Variants in TTC6 observed in about 807,000 individuals in gnomAD.
TTC6 encodes the protein tetratricopeptide repeat domain 6.
In TTC6, 172 loss-of-function variants were observed where a neutral mutation model predicts 210.4. That is an observed-to-expected ratio of 0.82 (90% CI 0.72 to 0.93). The LOEUF is 0.93. TTC6 is among the 40% of genes least tolerant of loss of function. TTC6 has a pLI of 0.00. For missense variants in TTC6, 2,414 were observed against 2,318.1 expected (o/e 1.04, Z -0.85); for synonymous variants, 804 against 819.6 (o/e 0.98, Z 0.32).
At chr14:37,653,221 C>T (rs1352744399) in intron 1 of TTC6, among the ~76,000 whole-genome samples, 2 of 152,216 alleles carry the variant, frequency 1.3e-5, no homozygotes, top group African/African-American at 4.8e-5. Context: ...TCTTAATTTA[C>T]TAACTCTACC....
chr14:37,780,932 T>C (rs987270252), intron 14 of TTC6, among the ~76,000 whole-genome samples: 2 of 152,186 alleles, frequency 1.3e-5, no homozygotes, highest in African/African-American at 2.4e-5. Flanking sequence ...TCCAGCTTCA[T>C]CCATGTCCCT....
intron 3 of TTC6, among the ~76,000 whole-genome samples, chr14:37,684,876 G>C (rs1433924834): frequency 1.3e-5 from 2 of 152,166 alleles, no homozygotes; most frequent in African/African-American, 4.8e-5. Flanking sequence ...TTTCTGACAT[G>C]ATTAAACAGA....
At chr14:37,790,919 C>T (rs1480994814) in intron 16 of TTC6, 82 bp downstream of exon 18, 5 of 1,210,332 alleles carry the variant, frequency 4.1e-6, no homozygotes, top group Non-Finnish European at 5.6e-6. Flanking sequence ...TTTCTTTCCC[C>T]TCATCATTGA....
At chr14:37,646,994 A>T (rs1376658415) in intron 1 of TTC6, among the ~76,000 whole-genome samples, 1 of 152,216 alleles carries the variant, frequency 6.6e-6, no homozygotes, top group Non-Finnish European at 1.5e-5. Flanking sequence ...CTGCCCTGTG[A>T]ACTGCAGGAT....
At chr14:37,762,899 G>C in intron 14 of TTC6, among the ~76,000 whole-genome samples, 1 of 45,208 alleles carries the variant, frequency 2.2e-5, no homozygotes, top group Non-Finnish European at 4.4e-5. Flanking sequence ...TTTTTTTTTT[G>C]AGACGGAGTC....
At chr14:37,829,725 T>G (rs1009112230) in intron 29 of TTC6, among the ~76,000 whole-genome samples, 14 of 151,936 alleles carry the variant, frequency 9.2e-5, no homozygotes, top group African/African-American at 3.1e-4. Context: ...AACAGAGGAT[T>G]CCAGGCTAGA....
intron 14 of TTC6, among the ~76,000 whole-genome samples, chr14:37,763,009 G>C (rs7144868): frequency 0.9 from 136,161 of 150,628 alleles, 61,776 homozygotes; most frequent in Non-Finnish European, 0.95. Flanking sequence ...CTCAGCCTCC[G>C]GAGTAGCTGG....
At chr14:37,740,655 C>T (rs1477672139) in intron 10 of TTC6, among the ~76,000 whole-genome samples, 3 of 152,146 alleles carry the variant, frequency 2.0e-5, no homozygotes, top group Admixed American at 6.5e-5. Context: ...ATTCAAGTCT[C>T]GTGTTCTCTG....
At chr14:37,626,237 C>T (rs1425210674) in intron 1 of TTC6, among the ~76,000 whole-genome samples, 1 of 151,904 alleles carries the variant, frequency 6.6e-6, no homozygotes, top group Non-Finnish European at 1.5e-5. Context: ...TAGTATCAGT[C>T]ACAAAAATAC....
intron 1 of TTC6, among the ~76,000 whole-genome samples, chr14:37,600,258 A>C (rs2095613073): frequency 6.6e-6 from 1 of 152,176 alleles, no homozygotes. Context: ...TCCTGTGTGC[A>C]AGAGCTGGGA....
At chr14:37,755,735 A>G (rs1453641136) in intron 14 of TTC6, among the ~76,000 whole-genome samples, 1 of 152,172 alleles carries the variant, frequency 6.6e-6, no homozygotes, top group Admixed American at 6.5e-5. Context: ...TACCAGAACC[A>G]TGCTGTTTTG....
At chr14:37,652,062 A>C (rs932920422) in intron 1 of TTC6, among the ~76,000 whole-genome samples, 1 of 152,214 alleles carries the variant, frequency 6.6e-6, no homozygotes, top group Non-Finnish European at 1.5e-5. Flanking sequence ...CCGAAGCCTT[A>C]ATCCAGAAGG....
intron 14 of TTC6, among the ~76,000 whole-genome samples, chr14:37,763,051 AT>A (rs369226483): frequency 7.6e-5 from 11 of 145,676 alleles, no homozygotes; most frequent in Admixed American, 1.4e-4. Context: ...CACCCGCCTA[AT>A]TTTTTTTTTG....
At chr14:37,761,441 C>T (rs571479392) in intron 14 of TTC6, among the ~76,000 whole-genome samples, 9 of 152,080 alleles carry the variant, frequency 5.9e-5, no homozygotes, top group South Asian at 2.1e-4. Flanking sequence ...TCTTCCTATG[C>T]GGCCATCTTG....
At chr14:37,711,795 G>A (rs1448295686) in intron 5 of TTC6, among the ~76,000 whole-genome samples, 1 of 152,026 alleles carries the variant, frequency 6.6e-6, no homozygotes, top group Non-Finnish European at 1.5e-5. Context: ...GGAGGTAAGG[G>A]ACCAGCAAAG....
At chr14:37,768,567 T>C (rs1417696817) in intron 14 of TTC6, among the ~76,000 whole-genome samples, 1 of 152,122 alleles carries the variant, frequency 6.6e-6, no homozygotes, top group Non-Finnish European at 1.5e-5. Flanking sequence ...GAAGCAATTG[T>C]GAATGGGAGT....
At chr14:37,626,383 A>AT in intron 1 of TTC6, among the ~76,000 whole-genome samples, 1 of 152,336 alleles carries the variant, frequency 6.6e-6, no homozygotes, top group Non-Finnish European at 1.5e-5. Flanking sequence ...ACGGCTTAAT[A>AT]TGACCTAGAT....
chr14:37,764,221 T>C (rs1258097507), intron 14 of TTC6, among the ~76,000 whole-genome samples: 1 of 152,132 alleles, frequency 6.6e-6, no homozygotes, highest in East Asian at 1.9e-4. Flanking sequence ...ATGTTCCAAG[T>C]TTGCCTGAGA....
intron 1 of TTC6, among the ~76,000 whole-genome samples, chr14:37,664,171 C>CA (rs1264277474): frequency 2.7e-5 from 4 of 150,394 alleles, no homozygotes; most frequent in South Asian, 2.1e-4. Flanking sequence ...TCATGTGGAA[C>CA]AAAAAAAGAG....
Sources: gnomAD v4.1 joint callset for allele counts (sites outside exome capture counted in the v4.1 genomes callset) on GRCh38, gnomAD v4.1.1 for gene constraint, MANE v1.5 for transcripts, NCBI Gene and HGNC (gene_info 2026-07-23, HGNC 2026-07-21) for gene names.